The following SLC19A1 variants were observed in gnomAD, a reference collection of about 807,000 sequenced individuals.
SLC19A1 encodes the protein reduced folate transporter.
Under a neutral mutation model 35.3 loss-of-function variants are expected in SLC19A1, and 37 were observed. That is an observed-to-expected ratio of 1.05 (90% CI 0.81 to 1.38). The LOEUF (loss-of-function observed/expected upper bound fraction) is 1.38. Among genes scored for constraint, SLC19A1 ranks in the 40% most tolerant of loss-of-function variants. The probability of loss-of-function intolerance (pLI) is 0.00; values close to 1 mark genes in which losing one functional copy is unlikely to be tolerated. For synonymous variants in SLC19A1, 460 were observed against 398.5 expected (o/e 1.15, Z -1.84); for missense variants, 831 against 826.9 (o/e 1.00, Z -0.06).
chr21:45,519,161 A>G (rs752976601), intron 5 of SLC19A1, among the ~76,000 whole-genome samples: 7 of 152,222 alleles, frequency 4.6e-5, no homozygotes, highest in Non-Finnish European at 8.8e-5. Context: ...AATGTAATCC[A>G]TAAAGCAACC....
At chr21:45,512,388 C>T (rs1408214690), downstream of SLC19A1, 1 of 1,612,528 alleles carries the variant, frequency 6.2e-7, no homozygotes, top group Non-Finnish European at 8.5e-7. Context: ...TTCATGACTG[C>T]CTCCAAGTAG....
At chr21:45,509,033 T>A (rs911955955), downstream of SLC19A1, among the ~76,000 whole-genome samples, 2 of 152,038 alleles carry the variant, frequency 1.3e-5, no homozygotes, top group Non-Finnish European at 2.9e-5. Flanking sequence ...GGTCGCCGTG[T>A]TGAGGTCAGG....
chr21:45,539,549 A>T (rs561902387), intron 1 of SLC19A1, among the ~76,000 whole-genome samples: 1 of 152,302 alleles, frequency 6.6e-6, no homozygotes, highest in Non-Finnish European at 1.5e-5. Context: ...AGGGACCCCT[A>T]GGAAAATCTG....
intron 4 of SLC19A1, among the ~76,000 whole-genome samples, chr21:45,526,582 GTTAT>G (rs903953784): frequency 1.3e-5 from 2 of 152,154 alleles, no homozygotes; most frequent in African/African-American, 4.8e-5. Context: ...TGGATTTTTT[GTTAT>G]TTTTTTTTAG....
downstream of SLC19A1, among the ~76,000 whole-genome samples, chr21:45,511,751 C>A (rs932238652): frequency 6.6e-6 from 1 of 152,206 alleles, no homozygotes. Flanking sequence ...CCCAGCAGTG[C>A]CTGGCCATCT....
At chr21:45,553,243 C>T (rs903432619) in intron 1 of SLC19A1, among the ~76,000 whole-genome samples, 18 of 152,036 alleles carry the variant, frequency 1.2e-4, no homozygotes, top group African/African-American at 1.9e-4. Context: ...TCCCTCCCAC[C>T]GGCCTAAGGG....
chr21:45,510,004 G>A (rs1383965719), downstream of SLC19A1: 26 of 1,517,120 alleles, frequency 1.7e-5, no homozygotes, highest in East Asian at 4.9e-5. Context: ...TGGTGCGCCC[G>A]GGGCCTGGGT....
chr21:45,508,428 A>C (rs1309185313), downstream of SLC19A1, among the ~76,000 whole-genome samples: 2 of 115,706 alleles, frequency 1.7e-5, no homozygotes, highest in African/African-American at 7.7e-5. Flanking sequence ...GAATGGGTGG[A>C]TGGATGGTGG....
chr21:45,552,439 C>T (rs777307844), intron 1 of SLC19A1, among the ~76,000 whole-genome samples: 37 of 149,976 alleles, frequency 2.5e-4, no homozygotes, highest in Non-Finnish European at 4.6e-4. Flanking sequence ...GGTCGGGGGC[C>T]CCAGGGAGAG....
chr21:45,511,093 A>ACT (rs1568955000), downstream of SLC19A1: 1 of 1,388,188 alleles, frequency 7.2e-7, no homozygotes, highest in Non-Finnish European at 9.9e-7. Context: ...ACACACATAC[A>ACT]CACGGTTTCT....
rs1474689173 is a variant in SLC19A1 at position 45,540,042 on chromosome 21, G to T, written c.-49-2034C>A. Among the ~76,000 whole-genome samples, 1 of 152,230 alleles carries T rather than the reference G, an allele frequency of 6.6e-6. No individual in the cohort carries two copies. Among genetic ancestry groups the T allele is most frequent in the Admixed American group, 6.5e-5 (1 of 15,304 alleles). ...CCAGGCCGAGGCAGATCTGACGGTC[G>T]CCTGCCTCGGCCTCACCTTCCATGC... On this transcript the variant is annotated intron_variant, in intron 1 of 5. Coordinates refer to ENST00000311124, the MANE Select transcript of SLC19A1 (RefSeq NM_194255.4). This position sits in a 1 kb window ranked among gnomAD's most constrained non-coding sequence, Gnocchi z 5.5.
chr21:45,526,035 C>A, intron 4 of SLC19A1, 77 bp from the exon 5 acceptor site: 1 of 1,524,540 alleles, frequency 6.6e-7, no homozygotes, highest in South Asian at 1.2e-5. Context: ...TGCAGCCCGG[C>A]TCCCACCAGC....
rs116817593 is a variant in SLC19A1 at position 45,534,486 on chromosome 21, C to T, written c.190-2338G>A. 2.9e-5 allele frequency: 40 copies of T among 1,367,346 alleles called. No homozygotes were observed. Among genetic ancestry groups the T allele is most frequent in the Non-Finnish European group, 3.8e-5 (38 of 993,524 alleles). The allele number at this position is 1,367,346 out of a possible 1,614,324, so 84.7% of individuals were successfully genotyped here. A position where few individuals can be genotyped will look rare whatever the true frequency, so the allele number is the denominator to read the frequency against. ...AGCCAGCAGAGAGGCTCTCCCCAGA[C>T]CCCACGGCTCTCTGGAAAAGGGCGG... is the stretch of plus-strand genomic sequence containing the variant. On this transcript the variant is annotated intron_variant, in intron 2 of 5. Transcript: ENST00000311124. This position sits in a 1 kb window ranked among gnomAD's most constrained non-coding sequence, Gnocchi z 4.2.
At chr21:45,558,645 T>C (rs1344006111) in intron 1 of SLC19A1, among the ~76,000 whole-genome samples, 1 of 152,114 alleles carries the variant, frequency 6.6e-6, no homozygotes, top group East Asian at 1.9e-4. Context: ...GCGGAGCTGC[T>C]ACAGGAAGCC....
upstream of SLC19A1, among the ~76,000 whole-genome samples, chr21:45,546,614 G>A (rs1477675747): frequency 2.0e-5 from 3 of 152,244 alleles, no homozygotes; most frequent in Non-Finnish European, 4.4e-5. Flanking sequence ...GAAAGGGGGA[G>A]GTTTGAACCT....
At chr21:45,509,288 G>T, downstream of SLC19A1, 1 of 1,530,930 alleles carries the variant, frequency 6.5e-7, no homozygotes. Context: ...GCCCAGAGGA[G>T]GACACAGATG....
rs1485986891 is a variant in SLC19A1 at position 45,531,438 on chromosome 21, G to T, written c.900C>A (p.Asn300Lys). 2.5e-6 allele frequency: 4 copies of T among 1,611,104 alleles called. No individual in the cohort carries two copies. The highest frequency in any genetic ancestry group is 3.4e-6 in the Non-Finnish European group (4 of 1,178,832). ...ILWNEVDPTT[N>K]SARVYNGAAD... ...CCGCGCCGTTGTAGACCCGCGCACTGTTGGTGGTGGGGTCCACCTCGTTCC... is the reference window on the plus strand; with the variant it reads ...CCGCGCCGTTGTAGACCCGCGCACTTTTGGTGGTGGGGTCCACCTCGTTCC... The change falls in exon 3 of 6, where the codon AAC (asparagine) becomes AAA (lysine). Residue 300 changes from asparagine to lysine, a missense_variant. Asn to Lys is a moderately conservative substitution (Grantham distance 94). Transcript: ENST00000311124.
chr21:45,506,970 T>TC, intron 3 of SLC19A1: 1 of 270,812 alleles, frequency 3.7e-6, no homozygotes, highest in South Asian at 3.6e-5. Context: ...CCAGGTGTGC[T>TC]TGTAGGCACC....
At position 45,534,454 on chromosome 21, in the gene SLC19A1, G is replaced by T; in HGVS notation, c.190-2306C>A. 5 of 1,112,262 alleles carry T rather than the reference G, an allele frequency of 4.5e-6. No homozygotes were observed. The highest frequency in any genetic ancestry group is 6.5e-6 in the Non-Finnish European group (5 of 767,882). The allele number at this position is 1,112,262 out of a possible 1,614,324, so 68.9% of individuals were successfully genotyped here. On this transcript the variant is annotated intron_variant, in intron 2 of 5. Coordinates refer to ENST00000311124, the MANE Select transcript of SLC19A1 (RefSeq NM_194255.4). The surrounding 1 kb of genome is among the most constrained non-coding windows in gnomAD (Gnocchi z 4.2). ...TCTGCCCACAGCCCAGAGTCAAAAT[G>T]GTAGACAGCCAGCAGAGAGGCTCTC...
Sources: allele counts gnomAD v4.1 joint callset (sites outside exome capture counted in the v4.1 genomes callset), GRCh38; gene constraint gnomAD v4.1.1; non-coding constraint Gnocchi (gnomAD v3.1); transcripts MANE v1.5; gene names NCBI Gene and HGNC (gene_info 2026-07-23, HGNC 2026-07-21).